Variants in ENOX1 observed in about 807,000 individuals in gnomAD.
The protein encoded by ENOX1 is ecto-NOX disulfide-thiol exchanger 1.
A neutral mutation model predicts 82.5 loss-of-function variants in ENOX1; 42 were observed. That is an observed-to-expected ratio of 0.51 (90% CI 0.40 to 0.66). The LOEUF (loss-of-function observed/expected upper bound fraction) is 0.66. ENOX1 is among the 30% of genes least tolerant of loss of function. The pLI is 0.00. For missense variants in ENOX1, 608 were observed against 811.6 expected (o/e 0.75, Z 3.05); for synonymous variants, 271 against 282.2 (o/e 0.96, Z 0.40).
At chr13:43,775,185 T>C (rs1219304265) in intron 1 of ENOX1, among the ~76,000 whole-genome samples, 1 of 151,996 alleles carries the variant, frequency 6.6e-6, no homozygotes, top group East Asian at 1.9e-4. Flanking sequence ...CCCATGATCT[T>C]TCACCCAGGC....
At chr13:43,525,220 A>G (rs1213339085) in intron 2 of ENOX1, among the ~76,000 whole-genome samples, 1 of 152,122 alleles carries the variant, frequency 6.6e-6, no homozygotes, top group Non-Finnish European at 1.5e-5. Flanking sequence ...AACTCTCTTC[A>G]TCTTGCAAAA....
intron 1 of ENOX1, among the ~76,000 whole-genome samples, chr13:43,708,937 C>T (rs1203750756): frequency 6.6e-6 from 1 of 151,908 alleles, no homozygotes; most frequent in Non-Finnish European, 1.5e-5. Context: ...CCATAGATTC[C>T]CAGAGTGGCT....
intron 14 of ENOX1, among the ~76,000 whole-genome samples, chr13:43,243,061 G>A (rs946447886): frequency 1.3e-5 from 2 of 150,318 alleles, no homozygotes. Context: ...GCTTGAACCC[G>A]GAAGGTGGAG....
At chr13:43,453,462 A>G (rs1251172829) in intron 3 of ENOX1, among the ~76,000 whole-genome samples, 2 of 152,220 alleles carry the variant, frequency 1.3e-5, no homozygotes, top group African/African-American at 4.8e-5. Context: ...GGGTCATGAC[A>G]GAGTGGATTT....
At chr13:43,756,419 C>G (rs1213234745) in intron 1 of ENOX1, among the ~76,000 whole-genome samples, 1 of 143,828 alleles carries the variant, frequency 7.0e-6, no homozygotes, top group African/African-American at 2.6e-5. Flanking sequence ...GGCGACAGAG[C>G]GAGACCCTGT....
chr13:43,359,663 T>C, intron 7 of ENOX1, 188 bp downstream of exon 7: 1 of 590,156 alleles, frequency 1.7e-6, no homozygotes, highest in Non-Finnish European at 3.0e-6. Flanking sequence ...AAATTGCTCC[T>C]GCAGTGAAGT....
intron 1 of ENOX1, among the ~76,000 whole-genome samples, chr13:43,762,204 T>C (rs574054714): frequency 6.6e-6 from 1 of 152,202 alleles, no homozygotes; most frequent in Non-Finnish European, 1.5e-5. Context: ...TCTGGAGCTC[T>C]AGGATGAATG....
At chr13:43,618,358 A>G (rs998368817) in intron 2 of ENOX1, among the ~76,000 whole-genome samples, 4 of 152,202 alleles carry the variant, frequency 2.6e-5, no homozygotes, top group Non-Finnish European at 4.4e-5. Context: ...GTTATCTTGT[A>G]GAATTTTTAT....
intron 16 of ENOX1, among the ~76,000 whole-genome samples, chr13:43,216,355 G>A (rs1012288245): frequency 6.6e-6 from 1 of 152,216 alleles, no homozygotes; most frequent in African/African-American, 2.4e-5. Flanking sequence ...AGGATTATAT[G>A]TAAAATGTAA....
At chr13:43,717,431 T>C (rs2088227245) in intron 1 of ENOX1, among the ~76,000 whole-genome samples, 1 of 152,212 alleles carries the variant, frequency 6.6e-6, no homozygotes, top group Non-Finnish European at 1.5e-5. Flanking sequence ...CCTCAAATTA[T>C]AAAATTCCTA....
intron 3 of ENOX1, among the ~76,000 whole-genome samples, chr13:43,415,798 C>G (rs1419156021): frequency 6.6e-6 from 1 of 152,084 alleles, no homozygotes; most frequent in Non-Finnish European, 1.5e-5. Context: ...GATGGGGCGG[C>G]CGGGCAGAAG....
chr13:43,367,586 G>C (rs1237186650), intron 5 of ENOX1, among the ~76,000 whole-genome samples: 2 of 152,128 alleles, frequency 1.3e-5, no homozygotes, highest in African/African-American at 4.8e-5. Context: ...TTCTTCCCTG[G>C]ATCCTTCAGT....
chr13:43,745,268 TA>T (rs1310838860), intron 1 of ENOX1, among the ~76,000 whole-genome samples: 2 of 152,146 alleles, frequency 1.3e-5, no homozygotes, highest in Non-Finnish European at 2.9e-5. Flanking sequence ...CTACTTAATA[TA>T]AAATTACACT....
At chr13:43,362,317 G>T (rs1327386909) in intron 5 of ENOX1, among the ~76,000 whole-genome samples, 1 of 151,902 alleles carries the variant, frequency 6.6e-6, no homozygotes, top group Non-Finnish European at 1.5e-5. Context: ...TAACAGCAGG[G>T]GCTATGAAAA....
chr13:43,402,173 C>A (rs1007373353), intron 5 of ENOX1, among the ~76,000 whole-genome samples: 4 of 151,984 alleles, frequency 2.6e-5, no homozygotes, highest in African/African-American at 7.3e-5. Context: ...TAGATGAAAG[C>A]ATAACCATGA....
chr13:43,710,625 T>C (rs1219820022), intron 1 of ENOX1, among the ~76,000 whole-genome samples: 1 of 152,066 alleles, frequency 6.6e-6, no homozygotes, highest in Non-Finnish European at 1.5e-5. Flanking sequence ...GTGATGAACA[T>C]AAAATGTGTC....
At chr13:43,545,250 T>C (rs1213428699) in intron 2 of ENOX1, 1 of 152,198 alleles carries the variant, frequency 6.6e-6, no homozygotes, top group Non-Finnish European at 1.5e-5. Flanking sequence ...ACTGACAGTC[T>C]TCTCTAAAGG....
chr13:43,331,037 T>C (rs1167830522), intron 9 of ENOX1, among the ~76,000 whole-genome samples: 1 of 152,198 alleles, frequency 6.6e-6, no homozygotes, highest in Non-Finnish European at 1.5e-5. Context: ...CAGCCTTCTC[T>C]GGGAGGGAAA....
chr13:43,468,539 T>C (rs762902424), intron 3 of ENOX1, among the ~76,000 whole-genome samples: 8 of 151,474 alleles, frequency 5.3e-5, no homozygotes, highest in Non-Finnish European at 1.0e-4. Flanking sequence ...TCTGTAATCC[T>C]AGCTCTTAGG....
Sources: allele counts gnomAD v4.1 joint callset (sites outside exome capture counted in the v4.1 genomes callset), GRCh38; gene constraint gnomAD v4.1.1; transcripts MANE v1.5; gene names NCBI Gene and HGNC (gene_info 2026-07-23, HGNC 2026-07-21).